MBNL2: variants seen among roughly 807,000 people sequenced by gnomAD.
The protein encoded by MBNL2 is muscleblind-like protein 2.
MBNL2 carries 17 observed loss-of-function variants against 41.9 expected under a neutral mutation model. The observed-to-expected ratio is 0.41, with a 90% CI of 0.28 to 0.61. MBNL2 has a LOEUF of 0.61. MBNL2 is among the 20% of genes least tolerant of loss of function. The pLI is 0.35. For missense variants in MBNL2, 336 were observed against 505.6 expected (o/e 0.66, Z 3.22); for synonymous variants, 195 against 182.9 (o/e 1.07, Z -0.53).
the MBNL2 span, among the ~76,000 whole-genome samples, chr13:97,178,784 C>T: frequency 1.7e-4 from 26 of 152,044 alleles, no homozygotes; most frequent in Non-Finnish European, 3.2e-4. Context: ...ATAGTCCCAG[C>T]GACTGGGGAG....
chr13:97,224,853 G>C (rs73555731), intron 1 of MBNL2, among the ~76,000 whole-genome samples: 523 of 152,318 alleles, frequency 3.4e-3, no homozygotes, highest in Non-Finnish European at 6.1e-3. Flanking sequence ...GGAAATCAAA[G>C]CGTTGTTGTT....
chr13:97,359,457 C>T (rs2063232541), intron 7 of MBNL2, among the ~76,000 whole-genome samples: 2 of 152,184 alleles, frequency 1.3e-5, no homozygotes, highest in Admixed American at 1.3e-4. Flanking sequence ...CCAACAATGA[C>T]TGATTTGTTA....
At position 97,254,204 on chromosome 13, in the gene MBNL2, A is replaced by G. The variant is rs117451847; in HGVS notation, c.-604-21428A>G. ...GCCCAGCCCAATGCAAATTTTTAAA[A>G]TATGTAAAATTTTAACTATTAAATG... On this transcript the variant is annotated intron_variant, in intron 1 of 8. Transcript: ENST00000679496. Among the ~76,000 whole-genome samples, 152 of 152,350 alleles carry G rather than the reference A, an allele frequency of 1.0e-3. No homozygotes were observed. The East Asian group carries it at 0.022, about 22-fold the overall frequency.
intron 3 of MBNL2, among the ~76,000 whole-genome samples, chr13:97,339,210 AGT>A (rs1176131345): frequency 5.1e-5 from 2 of 38,892 alleles, no homozygotes; most frequent in African/African-American, 1.7e-4. Flanking sequence ...TGTGTGTGTG[AGT>A]GTATGGGAGT....
the MBNL2 span, among the ~76,000 whole-genome samples, chr13:97,142,980 C>A: frequency 6.6e-6 from 1 of 152,152 alleles, no homozygotes; most frequent in African/African-American, 2.4e-5. Flanking sequence ...CGGATCAGAT[C>A]CTCTTAGGAC....
At chr13:97,347,102 C>T (rs1307845380) in intron 5 of MBNL2, 35 bp downstream of exon 5, 25 of 1,476,654 alleles carry the variant, frequency 1.7e-5, no homozygotes, top group East Asian at 7.4e-5. Context: ...TGCACCCCGG[C>T]GCCTCTGCGG....
At chr13:97,322,603 A>G (rs1454766438) in intron 2 of MBNL2, among the ~76,000 whole-genome samples, 2 of 152,186 alleles carry the variant, frequency 1.3e-5, no homozygotes, top group Non-Finnish European at 2.9e-5. Context: ...AAACCGCCTA[A>G]GAGGAATGTT....
chr13:97,329,261 T>C (rs1267931155), intron 2 of MBNL2, among the ~76,000 whole-genome samples: 6 of 152,148 alleles, frequency 3.9e-5, no homozygotes, highest in Admixed American at 3.3e-4. Context: ...ACAAATCCAA[T>C]GTCGACTCCA....
chr13:97,163,891 A>T, the MBNL2 span, among the ~76,000 whole-genome samples: 1 of 152,236 alleles, frequency 6.6e-6, no homozygotes, highest in African/African-American at 2.4e-5. Context: ...GGAGTTTTGC[A>T]TCTACAAGCC....
At chr13:97,181,534 C>CA in the MBNL2 span, among the ~76,000 whole-genome samples, 4 of 152,030 alleles carry the variant, frequency 2.6e-5, no homozygotes. Context: ...TTGTTTTTAC[C>CA]AAAAAAAGTT....
chr13:97,200,690 T>C, the MBNL2 span, among the ~76,000 whole-genome samples: 2 of 152,222 alleles, frequency 1.3e-5, no homozygotes, highest in Non-Finnish European at 2.9e-5. Flanking sequence ...TTTGAGTATC[T>C]TATTTCATAT....
Position 97,346,298 on chromosome 13 carries a change from T to C in MBNL2, c.541-506T>C, listed in dbSNP as rs1203376119. 1.3e-5 allele frequency among the ~76,000 whole-genome samples: 2 copies of C among 151,972 alleles called. No individual in the cohort carries two copies. Among genetic ancestry groups the C allele is most frequent in the East Asian group, 1.9e-4 (1 of 5,188 alleles). ...ATAGATGGATGGGTGGATGGATAGA[T>C]AGATGGATAATAGATAATAGAGGGA... On this transcript the variant is annotated intron_variant, in intron 4 of 8. Coordinates refer to ENST00000679496, the MANE Select transcript of MBNL2 (RefSeq NM_001382683.1). This position sits in a 1 kb window ranked among gnomAD's most constrained non-coding sequence, Gnocchi z 4.2.
the MBNL2 span, among the ~76,000 whole-genome samples, chr13:97,184,440 C>A: frequency 6.6e-6 from 1 of 152,182 alleles, no homozygotes; most frequent in Non-Finnish European, 1.5e-5. Flanking sequence ...CAGCTGTCGT[C>A]CTCATGGTCT....
chr13:97,200,473 G>C, the MBNL2 span, among the ~76,000 whole-genome samples: 1 of 152,216 alleles, frequency 6.6e-6, no homozygotes, highest in African/African-American at 2.4e-5. Flanking sequence ...GCTTAGCTAA[G>C]TGGACACACC....
chr13:97,231,566 G>A (rs1002449462), intron 1 of MBNL2, among the ~76,000 whole-genome samples: 18 of 152,198 alleles, frequency 1.2e-4, no homozygotes, highest in African/African-American at 4.3e-4. Flanking sequence ...TGAAGCTGAG[G>A]TTGAACTGAT....
the MBNL2 span, among the ~76,000 whole-genome samples, chr13:97,149,336 C>A: frequency 6.6e-6 from 1 of 152,150 alleles, no homozygotes; most frequent in Non-Finnish European, 1.5e-5. Context: ...TCGTACACTG[C>A]GCATGCTTAG....
intron 2 of MBNL2, among the ~76,000 whole-genome samples, chr13:97,315,271 C>A (rs187921486): frequency 6.6e-6 from 1 of 152,226 alleles, no homozygotes; most frequent in Non-Finnish European, 1.5e-5. Flanking sequence ...TATTTGTTCA[C>A]TCCAGATCTC....
chr13:97,149,789 G>GT, the MBNL2 span, among the ~76,000 whole-genome samples: 1 of 152,092 alleles, frequency 6.6e-6, no homozygotes, highest in African/African-American at 2.4e-5. Context: ...CACCCCTACA[G>GT]TTTTTTCTAA....
chr13:97,195,926 C>A, the MBNL2 span, among the ~76,000 whole-genome samples: 3 of 152,132 alleles, frequency 2.0e-5, no homozygotes, highest in African/African-American at 7.2e-5. Flanking sequence ...TAAAAGGTAA[C>A]TGAAGAATAA....
Sources: allele counts gnomAD v4.1 joint callset (sites outside exome capture counted in the v4.1 genomes callset), GRCh38; gene constraint gnomAD v4.1.1; non-coding constraint Gnocchi (gnomAD v3.1); transcripts MANE v1.5; gene names NCBI Gene and HGNC (gene_info 2026-07-23, HGNC 2026-07-21).